TRAPPC4: variants seen among roughly 807,000 people sequenced by gnomAD.
TRAPPC4 encodes TRS23 homolog.
A neutral mutation model predicts 23.5 loss-of-function variants in TRAPPC4; 30 were observed. The observed-to-expected ratio is 1.28, with a 90% CI of 0.96 to 1.73. TRAPPC4 has a LOEUF of 1.73. Among genes scored for constraint, TRAPPC4 ranks in the 40% most tolerant of loss-of-function variants. The pLI is 0.00. For synonymous variants in TRAPPC4, 129 were observed against 105.3 expected (o/e 1.23, Z -1.38); for missense variants, 252 against 268.9 (o/e 0.94, Z 0.44).
In TRAPPC4 at chr11:119,024,060, G is replaced by C. The variant is rs540105737; in HGVS notation, c.*661G>C. ...TTCCAAGCTAGTTACTGACAGTCTGGGTTTGAACCAGGCTTTCTGGCTACA... is the reference window on the plus strand; with the variant it reads ...TTCCAAGCTAGTTACTGACAGTCTGCGTTTGAACCAGGCTTTCTGGCTACA... On this transcript the variant is annotated 3_prime_UTR_variant, in exon 5 of 5. Coordinates refer to ENST00000533632, the MANE Select transcript of TRAPPC4 (RefSeq NM_016146.6). 6.5e-6 allele frequency: 1 copy of C among 152,806 alleles called. No individual in the cohort carries two copies. Among genetic ancestry groups the C allele is most frequent in the African/African-American group, 2.4e-5 (1 of 41,556 alleles). The allele number at this position is 152,806 out of a possible 1,614,324, so 9.5% of individuals were successfully genotyped here.
chr11:119,023,897 T>G lies in TRAPPC4; in HGVS notation c.*498T>G, dbSNP rs1029851218. 6.5e-6 allele frequency: 1 copy of G among 153,230 alleles called. No individual in the cohort carries two copies. The highest frequency in any genetic ancestry group is 2.4e-5 in the African/African-American group (1 of 41,410). The allele number at this position is 153,230 out of a possible 1,614,324, so 9.5% of individuals were successfully genotyped here. A position where few individuals can be genotyped will look rare whatever the true frequency, so the allele number is the denominator to read the frequency against. ...GTGGCAGCAGTGGTGGTGGCTGTTA[T>G]GATGATGATGATGATGGAACATATT... On this transcript the variant is annotated 3_prime_UTR_variant, in exon 5 of 5. Transcript: ENST00000533632.
rs1433660974 is a variant in TRAPPC4 at position 119,023,041 on chromosome 11, CACA to C, written c.582-277_582-275del. On this transcript the variant is annotated intron_variant, in intron 4 of 4. Transcript: ENST00000533632. ...ATGCAATGGTGCCATCACGGCTCAC[CACA>C]ACCTCTGCCTTCCGGGTTCAGGCGA... is the stretch of plus-strand genomic sequence containing the variant. 127 of 222,878 alleles carry C rather than the reference CACA, an allele frequency of 5.7e-4. 1 individual carries two copies. Among genetic ancestry groups the C allele is most frequent in the Non-Finnish European group, 9.4e-4 (103 of 109,914 alleles). The allele number at this position is 222,878 out of a possible 1,614,324, so 13.8% of individuals were successfully genotyped here.
chr11:119,020,216 A>G lies in TRAPPC4; in HGVS notation c.417A>G (p.Thr139=), dbSNP rs1434856494. 2 of 1,613,834 alleles carry G rather than the reference A, an allele frequency of 1.2e-6. No homozygotes were observed. The highest frequency in any genetic ancestry group is 1.1e-5 in the South Asian group (1 of 91,090). Residue 139 remains threonine (T), a synonymous_variant, in exon 3 of 5, where the codon ACA becomes ACG. Coordinates refer to ENST00000533632, the MANE Select transcript of TRAPPC4 (RefSeq NM_016146.6). ...QGSSGIEMLE[T]DTFKLHCYQT... is the part of the protein sequence containing the mutation. ...GCTCAGGCATTGAGATGCTGGAGACAGACACATTCAAATTGCACTGCTACC... is the reference window on the plus strand; with the variant it reads ...GCTCAGGCATTGAGATGCTGGAGACGGACACATTCAAATTGCACTGCTACC...
intron 2 of TRAPPC4, chr11:119,019,786 G>A: frequency 4.9e-6 from 1 of 202,828 alleles, no homozygotes; most frequent in Non-Finnish European, 1.0e-5. Context: ...CTGAGCCTTA[G>A]TTTCTTCATA....
Position 119,018,876 on chromosome 11 carries a change from G to A in TRAPPC4, c.81G>A (p.Glu27=). The change falls in exon 1 of 5, where the codon GAG becomes GAA. Residue 27 remains glutamate (E), a synonymous_variant. Transcript: ENST00000533632. Reference sequence around the variant, plus strand: ...TGGACAGCTACGCGCCACGGGCTGAGGCTGAGAAAACTTTCAGTTATCCGC... The same window carrying A: ...TGGACAGCTACGCGCCACGGGCTGAAGCTGAGAAAACTTTCAGTTATCCGC... ...YQLDSYAPRA[E]AEKTFSYPLD... is the part of the protein sequence containing the mutation. 6.2e-7 allele frequency: 1 copy of A among 1,614,216 alleles called. No individual in the cohort carries two copies. Among genetic ancestry groups the A allele is most frequent in the Non-Finnish European group, 8.5e-7 (1 of 1,180,044 alleles).
chr11:119,020,195 A>G lies in TRAPPC4; in HGVS notation c.396A>G (p.Ser132=), dbSNP rs782051630. 3.1e-6 allele frequency: 5 copies of G among 1,614,018 alleles called. No individual in the cohort carries two copies. In the East Asian group the frequency reaches 8.9e-5, roughly 29 times the overall value. Residue 132 remains serine, a synonymous_variant, in exon 3 of 5, where the codon TCA becomes TCG. Transcript: ENST00000533632. ...GSQLSPEQGS[S]GIEMLETDTF... ...AGCTGTCTCCTGAACAGGGAAGCTC[A>G]GGCATTGAGATGCTGGAGACAGACA...
intron 2 of TRAPPC4, chr11:119,019,902 C>G (rs148415933): frequency 5.3e-6 from 2 of 377,088 alleles, no homozygotes; most frequent in East Asian, 9.0e-5. Flanking sequence ...GTAAGCGTGG[C>G]ACATATTCCT....
At chr11:119,023,230 A>G (rs771996398) in intron 4 of TRAPPC4, 91 bp from the exon 5 acceptor site, 5 of 1,221,192 alleles carry the variant, frequency 4.1e-6, no homozygotes, top group Admixed American at 1.7e-5. Context: ...CTTCCATGAT[A>G]TATGTTGTTC....
At chr11:119,020,322 A>C in intron 3 of TRAPPC4, 69 bp downstream of exon 3, 1 of 1,319,318 alleles carries the variant, frequency 7.6e-7, no homozygotes, top group Non-Finnish European at 1.1e-6. Flanking sequence ...ATAAGTTTGC[A>C]TCTCCAGGTG....
At chr11:119,021,134 C>CT (rs1382381487) in intron 3 of TRAPPC4, 1 of 152,222 alleles carries the variant, frequency 6.6e-6, no homozygotes, top group African/African-American at 2.4e-5. Flanking sequence ...GGTGATCCAC[C>CT]TGCCTCTGCC....
chr11:119,019,979 T>G (rs996969803), intron 2 of TRAPPC4, 171 bp from the exon 3 acceptor site: 9 of 536,712 alleles, frequency 1.7e-5, no homozygotes, highest in Non-Finnish European at 1.7e-5. Flanking sequence ...ATGTAAAATA[T>G]TCACAGAATT....
chr11:119,022,812 A>ATC (rs1565682901), intron 4 of TRAPPC4, among the ~76,000 whole-genome samples: 3 of 151,630 alleles, frequency 2.0e-5, no homozygotes, highest in Non-Finnish European at 4.4e-5. Context: ...AGGCAAGCAG[A>ATC]ATCGCTTCAA....
At chr11:119,021,435 C>T in intron 3 of TRAPPC4, 1 of 237,744 alleles carries the variant, frequency 4.2e-6, no homozygotes, top group Non-Finnish European at 8.4e-6. Flanking sequence ...CATTGCTTCA[C>T]CCTCTTCATT....
At chr11:119,019,410 A>C in intron 2 of TRAPPC4, 93 bp downstream of exon 2, 1 of 1,376,262 alleles carries the variant, frequency 7.3e-7, no homozygotes, top group Non-Finnish European at 9.9e-7. Context: ...CAACCGATCC[A>C]GATCTAGATT....
At chr11:119,021,077 T>G (rs549736577) in intron 3 of TRAPPC4, 1 of 152,270 alleles carries the variant, frequency 6.6e-6, no homozygotes, top group Non-Finnish European at 1.5e-5. Context: ...TTAGGAGAGA[T>G]GGGGTTTCAC....
Position 119,018,861 on chromosome 11 carries a change from C to A in TRAPPC4, c.66C>A (p.Tyr22Ter). The change falls in exon 1 of 5, where the codon TAC (tyrosine) becomes TAA (stop). Residue 22 changes from tyrosine (Y) to a stop codon, truncating the protein, a stop_gained. Coordinates refer to ENST00000533632, the MANE Select transcript of TRAPPC4 (RefSeq NM_016146.6). LOFTEE classifies it high-confidence loss of function. ...AGGLIYQLDS[Y>*]APRAEAEKTF... ...GCTTGATTTACCAGTTGGACAGCTA[C>A]GCGCCACGGGCTGAGGCTGAGAAAA... 1.2e-6 allele frequency: 2 copies of A among 1,614,190 alleles called. No homozygotes were observed. The highest frequency in any genetic ancestry group is 1.7e-6 in the Non-Finnish European group (2 of 1,180,034).
intron 1 of TRAPPC4, 64 bp downstream of exon 1, chr11:119,019,034 G>A (rs782214078): frequency 6.3e-7 from 1 of 1,592,062 alleles, no homozygotes; most frequent in South Asian, 1.1e-5. Context: ...GTAGAAGTGG[G>A]CTGGTTGTAG....
chr11:119,019,671 C>T, intron 2 of TRAPPC4: 1 of 234,624 alleles, frequency 4.3e-6, no homozygotes, highest in South Asian at 5.0e-5. Context: ...AAACTCCTGA[C>T]CTCAGGTGAT....
chr11:119,023,286 TCA>T (rs1943444595), intron 4 of TRAPPC4, 33 bp from the exon 5 acceptor site: 1 of 1,609,698 alleles, frequency 6.2e-7, no homozygotes, highest in African/African-American at 1.3e-5. Flanking sequence ...GCCTCAGGCC[TCA>T]CACTTTTTTT....
Sources: gnomAD v4.1 joint callset for allele counts (sites outside exome capture counted in the v4.1 genomes callset) on GRCh38, gnomAD v4.1.1 for gene constraint, MANE v1.5 for transcripts, NCBI Gene and HGNC (gene_info 2026-07-23, HGNC 2026-07-21) for gene names.